Variants in CAMTA1 observed in about 807,000 individuals in gnomAD.
CAMTA1 encodes calmodulin binding transcription activator 1.
A neutral mutation model predicts 170.9 loss-of-function variants in CAMTA1; 27 were observed. The observed-to-expected ratio is 0.16, with a 90% CI of 0.12 to 0.22. The LOEUF is 0.22. Among genes scored for constraint, CAMTA1 ranks in the 10% least tolerant of loss-of-function variants. The pLI, the probability that CAMTA1 is intolerant of heterozygous loss-of-function variation, is 1.00. For missense variants in CAMTA1, 1,619 were observed against 2,217.2 expected (o/e 0.73, Z 5.42); for synonymous variants, 833 against 891.5 (o/e 0.93, Z 1.17).
At chr1:7,472,566 T>A (rs551563907) in intron 6 of CAMTA1, among the ~76,000 whole-genome samples, 9 of 152,098 alleles carry the variant, frequency 5.9e-5, no homozygotes, top group African/African-American at 2.2e-4. Flanking sequence ...CCATCACCCC[T>A]GTTTATAGAT....
intron 5 of CAMTA1, among the ~76,000 whole-genome samples, chr1:7,260,377 G>A (rs544195933): frequency 6.6e-6 from 1 of 152,326 alleles, no homozygotes; most frequent in South Asian, 2.1e-4. Flanking sequence ...CTTCTTTAAT[G>A]CATGTAGCAT....
chr1:6,843,979 C>T (rs931975176), intron 3 of CAMTA1, among the ~76,000 whole-genome samples: 2 of 152,186 alleles, frequency 1.3e-5, no homozygotes, highest in African/African-American at 4.8e-5. Context: ...CTAGAATTAT[C>T]TATGAGAGTG....
intron 4 of CAMTA1, among the ~76,000 whole-genome samples, chr1:7,138,981 C>A (rs1008261032): frequency 5.7e-5 from 8 of 141,116 alleles, no homozygotes; most frequent in Admixed American, 1.5e-4. Flanking sequence ...GGTGACAGAG[C>A]AAGACTCTGT....
chr1:7,062,597 G>T (rs1708386141), intron 3 of CAMTA1, among the ~76,000 whole-genome samples: 1 of 152,234 alleles, frequency 6.6e-6, no homozygotes, highest in Non-Finnish European at 1.5e-5. Context: ...GGAGCTGTGG[G>T]GTGGGGAGCC....
At chr1:7,074,531 A>G (rs1399706481) in intron 3 of CAMTA1, among the ~76,000 whole-genome samples, 1 of 152,228 alleles carries the variant, frequency 6.6e-6, no homozygotes, top group Non-Finnish European at 1.5e-5. Context: ...CTTTAAAAAC[A>G]TATTTGAGAT....
chr1:7,528,977 G>A (rs2094461399), intron 6 of CAMTA1, among the ~76,000 whole-genome samples: 1 of 152,042 alleles, frequency 6.6e-6, no homozygotes, highest in Non-Finnish European at 1.5e-5. Flanking sequence ...AACTAGTCAT[G>A]CCAGTAACTA....
intron 3 of CAMTA1, 22 bp downstream of exon 3, chr1:6,825,232 A>G (rs781526750): frequency 2.6e-5 from 36 of 1,411,210 alleles, no homozygotes; most frequent in African/African-American, 5.8e-5. Context: ...TCTTTTTTTA[A>G]GGGTATAATT....
intron 6 of CAMTA1, among the ~76,000 whole-genome samples, chr1:7,472,148 C>T (rs2093343839): frequency 6.6e-6 from 1 of 152,184 alleles, no homozygotes; most frequent in African/African-American, 2.4e-5. Flanking sequence ...CCTTCCTGGC[C>T]CACGCTGGCA....
At chr1:7,457,071 C>T (rs1307668831) in intron 5 of CAMTA1, among the ~76,000 whole-genome samples, 1 of 147,396 alleles carries the variant, frequency 6.8e-6, no homozygotes, top group African/African-American at 2.5e-5. Flanking sequence ...GTGCCCCTCA[C>T]CCGCCCCCTG....
In CAMTA1 at chr1:7,382,566, A is replaced by G. The variant is rs970844266; in HGVS notation, c.439-85264A>G. ...AGCCAATTAATTTATTCTACACTTC[A>G]TAGTTTAAATACTCTGCCACATTTG... On this transcript the variant is annotated intron_variant, in intron 5 of 22. Coordinates refer to ENST00000303635, the MANE Select transcript of CAMTA1 (RefSeq NM_015215.4). The G allele has an allele frequency of 1.2e-4, 19 of 152,206 alleles. 1 individual carries two copies. Among genetic ancestry groups the G allele is most frequent in the Admixed American group, 1.2e-3 (18 of 15,286 alleles). The allele number at this position is 152,206 out of a possible 1,614,324, so 9.4% of individuals were successfully genotyped here.
At chr1:7,637,423 G>A (rs2095721139) in intron 6 of CAMTA1, among the ~76,000 whole-genome samples, 1 of 152,224 alleles carries the variant, frequency 6.6e-6, no homozygotes, top group African/African-American at 2.4e-5. Flanking sequence ...GCCGTGCCCA[G>A]GCACAGGCAG....
chr1:7,257,574 G>A (rs1397596845), intron 5 of CAMTA1, among the ~76,000 whole-genome samples: 1 of 57,820 alleles, frequency 1.7e-5, no homozygotes, highest in African/African-American at 1.2e-4. Flanking sequence ...CTCTGGCAGC[G>A]AGGGTCTGTG....
At chr1:7,355,857 C>A (rs1258625197) in intron 5 of CAMTA1, among the ~76,000 whole-genome samples, 2 of 152,228 alleles carry the variant, frequency 1.3e-5, no homozygotes, top group Admixed American at 6.5e-5. Context: ...TCTGTTCCCA[C>A]CCCAGGGCCT....
intron 1 of CAMTA1, among the ~76,000 whole-genome samples, chr1:6,786,453 C>T (rs1321694616): frequency 6.6e-6 from 1 of 152,170 alleles, no homozygotes; most frequent in Non-Finnish European, 1.5e-5. Context: ...CTGATCTGCT[C>T]ATCTTCTTTG....
At chr1:7,412,222 T>C (rs1181912998) in intron 5 of CAMTA1, among the ~76,000 whole-genome samples, 1 of 152,192 alleles carries the variant, frequency 6.6e-6, no homozygotes, top group Non-Finnish European at 1.5e-5. Flanking sequence ...TAAACATACG[T>C]GTGCGTGTGT....
In CAMTA1 at chr1:7,623,034, C is replaced by T. The variant is rs191589705; in HGVS notation, c.511-17366C>T. On this transcript the variant is annotated intron_variant, in intron 6 of 22. Transcript: ENST00000303635. ...CTTCTTTTTATCATCTCAGATACAG[C>T]TGAAGGTTCCATCCTCAGAGGCCTT... 1.4e-3 allele frequency among the ~76,000 whole-genome samples: 217 copies of T among 152,356 alleles called. 1 individual carries two copies. Among genetic ancestry groups the T allele is most frequent in the African/African-American group, 5.1e-3 (213 of 41,588 alleles).
chr1:7,452,942 C>T (rs1302324783), intron 5 of CAMTA1, among the ~76,000 whole-genome samples: 2 of 152,214 alleles, frequency 1.3e-5, no homozygotes, highest in Non-Finnish European at 2.9e-5. Flanking sequence ...GCCACAGTTT[C>T]TCTATGAAGT....
intron 6 of CAMTA1, among the ~76,000 whole-genome samples, chr1:7,503,567 G>C (rs2094046569): frequency 1.3e-5 from 2 of 152,228 alleles, no homozygotes; most frequent in South Asian, 4.1e-4. Context: ...GGCCTCATCT[G>C]CCTTTGCAGG....
At chr1:7,671,268 G>A (rs1049647007) in intron 10 of CAMTA1, among the ~76,000 whole-genome samples, 2 of 152,212 alleles carry the variant, frequency 1.3e-5, no homozygotes, top group African/African-American at 4.8e-5. Flanking sequence ...ATTTTGAAGC[G>A]AATGTGATGA....
Sources: gnomAD v4.1 joint callset for allele counts (sites outside exome capture counted in the v4.1 genomes callset) on GRCh38, gnomAD v4.1.1 for gene constraint, MANE v1.5 for transcripts, NCBI Gene and HGNC (gene_info 2026-07-23, HGNC 2026-07-21) for gene names.